CUL2: variants seen among roughly 807,000 people sequenced by gnomAD.
CUL2 encodes cullin 2.
In CUL2, 22 loss-of-function variants were observed where a neutral mutation model predicts 110.2. The ratio of observed to expected loss-of-function variants is 0.20; its 90% CI spans 0.14 to 0.28. The LOEUF (loss-of-function observed/expected upper bound fraction) is 0.28, where lower values mean the gene tolerates loss of function less well. Among genes scored for constraint, CUL2 ranks in the 10% least tolerant of loss-of-function variants. The pLI is 1.00. For synonymous variants in CUL2, 279 were observed against 293.2 expected (o/e 0.95, Z 0.49); for missense variants, 631 against 905.5 (o/e 0.70, Z 3.89).
Position 35,028,904 on chromosome 10 carries a change from AAAAT to A in CUL2, c.1540-21_1540-18del. On this transcript the variant is annotated intron_variant, in intron 15 of 20. Coordinates refer to ENST00000374749, the MANE Select transcript of CUL2 (RefSeq NM_003591.4). ...CGCACCAGCCTAGAAGGAAAAAAATAAAATAAAATAAGCTAAATGGATCAACATC... is the reference window on the plus strand; with the variant it reads ...CGCACCAGCCTAGAAGGAAAAAAATAAAAATAAGCTAAATGGATCAACATC... 1.3e-6 allele frequency: 2 copies of A among 1,507,938 alleles called. No individual in the cohort carries two copies. Among genetic ancestry groups the A allele is most frequent in the Non-Finnish European group, 1.8e-6 (2 of 1,098,468 alleles). The allele number at this position is 1,507,938 out of a possible 1,614,324, so 93.4% of individuals were successfully genotyped here.
chr10:35,113,679 T>C (rs998547348), intron 1 of CUL2, among the ~76,000 whole-genome samples: 35 of 151,362 alleles, frequency 2.3e-4, no homozygotes, highest in African/African-American at 7.7e-4. Context: ...TCAGAAATAA[T>C]AGATATGATG....
chr10:35,044,355 T>C (rs1189089026), intron 8 of CUL2, among the ~76,000 whole-genome samples: 1 of 152,124 alleles, frequency 6.6e-6, no homozygotes, highest in Non-Finnish European at 1.5e-5. Flanking sequence ...AAAGCATCAA[T>C]TATGATGAAA....
chr10:35,039,697 T>A (rs1451823732), intron 8 of CUL2, among the ~76,000 whole-genome samples: 1 of 151,990 alleles, frequency 6.6e-6, no homozygotes, highest in Non-Finnish European at 1.5e-5. Context: ...AAACCCTGTC[T>A]CTACTAAAAA....
chr10:35,093,636 G>A (rs2087247152), upstream of CUL2, among the ~76,000 whole-genome samples: 2 of 139,662 alleles, frequency 1.4e-5, no homozygotes, highest in Non-Finnish European at 3.0e-5. Context: ...ACCCAGCCTG[G>A]GCAATAAAGG....
intron 10 of CUL2, among the ~76,000 whole-genome samples, chr10:35,034,518 G>A (rs1300800283): frequency 6.6e-6 from 1 of 152,066 alleles, no homozygotes; most frequent in African/African-American, 2.4e-5. Context: ...ATAGATGAAG[G>A]GCAAACAGCT....
At chr10:35,065,939 T>A (rs180975334) in intron 2 of CUL2, among the ~76,000 whole-genome samples, 1 of 152,172 alleles carries the variant, frequency 6.6e-6, no homozygotes, top group Admixed American at 6.5e-5. Context: ...TCCTAAGTCA[T>A]TTTTTAGGGA....
chr10:35,056,810 C>A (rs1207680745), intron 4 of CUL2, among the ~76,000 whole-genome samples: 6 of 152,194 alleles, frequency 3.9e-5, no homozygotes, highest in Admixed American at 2.6e-4. Flanking sequence ...GTCACTGGCA[C>A]CAAGACCATT....
At chr10:35,015,788 A>T (rs2085013034) in intron 18 of CUL2, among the ~76,000 whole-genome samples, 1 of 152,212 alleles carries the variant, frequency 6.6e-6, no homozygotes, top group Non-Finnish European at 1.5e-5. Flanking sequence ...TACACATATT[A>T]AATATGTGTA....
intron 3 of CUL2, among the ~76,000 whole-genome samples, chr10:35,061,285 C>G (rs1410747862): frequency 1.3e-5 from 2 of 151,826 alleles, no homozygotes; most frequent in Non-Finnish European, 2.9e-5. Flanking sequence ...ACCAGCCTGA[C>G]CAACATGGTG....
intron 1 of CUL2, among the ~76,000 whole-genome samples, chr10:35,123,773 T>C (rs2087705867): frequency 1.3e-5 from 2 of 152,242 alleles, no homozygotes; most frequent in African/African-American, 4.8e-5. Context: ...GAAATGCTCA[T>C]GGGCCATGTA....
intron 1 of CUL2, among the ~76,000 whole-genome samples, chr10:35,087,983 G>A (rs1420115190): frequency 5.3e-5 from 8 of 152,152 alleles, no homozygotes; most frequent in Admixed American, 3.3e-4. Context: ...AAGTTTGATA[G>A]CACCTCAGGG....
intron 1 of CUL2, among the ~76,000 whole-genome samples, chr10:35,121,817 A>AT (rs1313783720): frequency 2.0e-5 from 3 of 152,022 alleles, no homozygotes; most frequent in Non-Finnish European, 4.4e-5. Flanking sequence ...CTCAAAAAAA[A>AT]AAAAAAAAAT....
At chr10:35,121,536 T>C (rs1205795246) in intron 1 of CUL2, among the ~76,000 whole-genome samples, 1 of 152,226 alleles carries the variant, frequency 6.6e-6, no homozygotes, top group Non-Finnish European at 1.5e-5. Context: ...GTTCTACAGC[T>C]AAAGAAAACT....
At chr10:35,073,639 T>C (rs2086741137) in intron 1 of CUL2, among the ~76,000 whole-genome samples, 2 of 151,394 alleles carry the variant, frequency 1.3e-5, no homozygotes, top group African/African-American at 4.9e-5. Flanking sequence ...GTCTCGCTGT[T>C]GTCAGCCTGG....
intron 4 of CUL2, among the ~76,000 whole-genome samples, chr10:35,056,555 C>G (rs1351405819): frequency 1.3e-5 from 2 of 152,106 alleles, no homozygotes; most frequent in Non-Finnish European, 2.9e-5. Flanking sequence ...AGGTCTTCCA[C>G]TCCCATTCAA....
chr10:35,080,723 AG>A (rs899168609), intron 1 of CUL2, among the ~76,000 whole-genome samples: 1 of 152,098 alleles, frequency 6.6e-6, no homozygotes, highest in African/African-American at 2.4e-5. Flanking sequence ...CCAAATTACT[AG>A]GATTACAGGC....
chr10:35,039,496 G>A (rs550304434), intron 8 of CUL2, among the ~76,000 whole-genome samples: 4 of 152,254 alleles, frequency 2.6e-5, no homozygotes, highest in South Asian at 2.1e-4. Context: ...ATTATTTTAC[G>A]TTGGTTTCTC....
At chr10:35,029,407 A>C in intron 15 of CUL2, 81 bp downstream of exon 15, 1 of 1,019,510 alleles carries the variant, frequency 9.8e-7, no homozygotes, top group Non-Finnish European at 1.4e-6. Flanking sequence ...ACCAAACGTA[A>C]TCAGGCATCC....
At chr10:35,018,016 C>T (rs188804734) in intron 17 of CUL2, among the ~76,000 whole-genome samples, 59 of 151,164 alleles carry the variant, frequency 3.9e-4, no homozygotes, top group African/African-American at 1.3e-3. Flanking sequence ...TTGGGCCAGG[C>T]GTGGTGGCTC....
Sources: gnomAD v4.1 joint callset for allele counts (sites outside exome capture counted in the v4.1 genomes callset) on GRCh38, gnomAD v4.1.1 for gene constraint, MANE v1.5 for transcripts, NCBI Gene and HGNC (gene_info 2026-07-23, HGNC 2026-07-21) for gene names.